ATP8A2: variants seen among roughly 807,000 people sequenced by gnomAD.
ATP8A2 encodes ATPase phospholipid transporting 8A2, also known as phospholipid-transporting ATPase IB.
In ATP8A2, 100 loss-of-function variants were observed where a neutral mutation model predicts 165.6. The ratio of observed to expected loss-of-function variants is 0.60; its 90% CI spans 0.51 to 0.71. ATP8A2 has a LOEUF of 0.71. ATP8A2 is among the 30% of genes least tolerant of loss of function. ATP8A2 has a pLI of 0.00. For synonymous variants in ATP8A2, 543 were observed against 548.8 expected (o/e 0.99, Z 0.15); for missense variants, 1,227 against 1,479.5 (o/e 0.83, Z 2.80).
intron 1 of ATP8A2, among the ~76,000 whole-genome samples, chr13:25,451,381 C>G (rs982226522): frequency 6.6e-6 from 1 of 152,082 alleles, no homozygotes; most frequent in Non-Finnish European, 1.5e-5. Context: ...TCCTAGCACT[C>G]ATTTTGTTTG....
intron 33 of ATP8A2, chr13:25,867,777 C>T (rs1442361212): frequency 1.3e-5 from 2 of 158,296 alleles, no homozygotes; most frequent in Admixed American, 1.3e-4. Flanking sequence ...AAAGAGCTGG[C>T]TTTCCCATCT....
chr13:25,734,275 C>G (rs1190892217), intron 25 of ATP8A2, among the ~76,000 whole-genome samples: 1 of 152,226 alleles, frequency 6.6e-6, no homozygotes, highest in Admixed American at 6.5e-5. Context: ...CTGGGAAAGG[C>G]TCTGTGTCCA....
chr13:25,587,859 T>TAA (rs2138281224), intron 23 of ATP8A2, among the ~76,000 whole-genome samples: 1 of 152,328 alleles, frequency 6.6e-6, no homozygotes, highest in East Asian at 1.9e-4. Flanking sequence ...GCAGAGCTTT[T>TAA]AATGGCATTT....
chr13:25,705,219 G>C (rs942819162), intron 25 of ATP8A2: 5 of 418,772 alleles, frequency 1.2e-5, no homozygotes, highest in Non-Finnish European at 2.4e-5. Flanking sequence ...CCAGGGGAGA[G>C]GACTTTGACC....
chr13:25,489,434 G>A (rs1482652819), intron 2 of ATP8A2, among the ~76,000 whole-genome samples: 3 of 152,162 alleles, frequency 2.0e-5, no homozygotes, highest in Non-Finnish European at 2.9e-5. Context: ...GTTTGCAGGC[G>A]GAGGCAGCCC....
intron 33 of ATP8A2, among the ~76,000 whole-genome samples, chr13:25,958,840 A>G (rs1955593090): frequency 1.3e-5 from 2 of 152,370 alleles, no homozygotes; most frequent in South Asian, 4.1e-4. Flanking sequence ...ATTTTCAACA[A>G]GAGAATTCAA....
At chr13:25,647,664 ATTCT>A (rs921132441) in intron 24 of ATP8A2, among the ~76,000 whole-genome samples, 6 of 151,024 alleles carry the variant, frequency 4.0e-5, no homozygotes, top group Non-Finnish European at 8.8e-5. Context: ...GTTTTCAGCC[ATTCT>A]TTCTTTTTTC....
chr13:25,567,121 A>AGT (rs1259776953), intron 16 of ATP8A2: 14 of 312,732 alleles, frequency 4.5e-5, no homozygotes, highest in African/African-American at 2.8e-4. Flanking sequence ...TAGTGTTTGA[A>AGT]AGATTTCAAA....
chr13:25,392,026 C>T (rs571121361), intron 1 of ATP8A2, among the ~76,000 whole-genome samples: 15 of 152,324 alleles, frequency 9.8e-5, no homozygotes, highest in African/African-American at 3.6e-4. Context: ...GCTGGGTCTG[C>T]TTGTTTAGTG....
At chr13:25,898,751 C>T (rs997845100) in intron 33 of ATP8A2, among the ~76,000 whole-genome samples, 4 of 152,182 alleles carry the variant, frequency 2.6e-5, no homozygotes, top group Non-Finnish European at 5.9e-5. Flanking sequence ...CCACCAGCCT[C>T]GCTGCCGCCT....
chr13:25,380,821 T>G (rs1341615213), intron 1 of ATP8A2, among the ~76,000 whole-genome samples: 2 of 152,178 alleles, frequency 1.3e-5, no homozygotes, highest in Admixed American at 1.3e-4. Flanking sequence ...TCCAGGGACT[T>G]GTCTGGTCTT....
rs9319241 is a variant in ATP8A2 at position 25,785,916 on chromosome 13, A to G, written c.2679+10957A>G. Among the ~76,000 whole-genome samples, 1,367 of 152,310 alleles carry G rather than the reference A, an allele frequency of 9.0e-3. 19 individuals carry two copies. The highest frequency in any genetic ancestry group is 0.029 in the African/African-American group (1,198 of 41,560). On this transcript the variant is annotated intron_variant, in intron 27 of 36. Transcript: ENST00000381655. ...ATGGAAAATGATCCTCATGTTTGAC[A>G]ATCATACATTTGCTTGTAGAGGATC...
chr13:25,766,120 G>A (rs1358866088), intron 25 of ATP8A2, among the ~76,000 whole-genome samples: 1 of 152,320 alleles, frequency 6.6e-6, no homozygotes, highest in East Asian at 1.9e-4. Context: ...CATAAGAGGA[G>A]TTGCAGATTA....
intron 1 of ATP8A2, among the ~76,000 whole-genome samples, chr13:25,442,302 A>AT (rs2034952179): frequency 6.6e-6 from 1 of 152,126 alleles, no homozygotes; most frequent in Admixed American, 6.5e-5. Context: ...TCTACTTTTA[A>AT]TTTTTTAAGG....
At chr13:25,626,330 C>G (rs1173202720) in intron 24 of ATP8A2, among the ~76,000 whole-genome samples, 3 of 152,104 alleles carry the variant, frequency 2.0e-5, no homozygotes, top group African/African-American at 7.2e-5. Context: ...GGCCTTCTTG[C>G]TGCATCATAA....
chr13:25,972,607 G>A (rs1955940285), intron 35 of ATP8A2, among the ~76,000 whole-genome samples: 2 of 152,156 alleles, frequency 1.3e-5, no homozygotes. Context: ...CCCTACCTGG[G>A]GAAGCAGGAA....
intron 35 of ATP8A2, among the ~76,000 whole-genome samples, chr13:25,997,617 T>C (rs1032466677): frequency 2.6e-4 from 39 of 152,200 alleles, no homozygotes; most frequent in African/African-American, 9.2e-4. Flanking sequence ...TTAATTTTTA[T>C]AGTCTATTTT....
At position 25,970,807 on chromosome 13, in the gene ATP8A2, G is replaced by A. The variant is rs115561466; in HGVS notation, c.3377+2128G>A. ...CGTGGGCTGTCAGCCTTGAAAGAGT[G>A]TGTGAGCCCATTTTTGCTTGTTGTT... On this transcript the variant is annotated intron_variant, in intron 35 of 36. Coordinates refer to ENST00000381655, the MANE Select transcript of ATP8A2 (RefSeq NM_016529.6). Among the ~76,000 whole-genome samples, 407 of 152,274 alleles carry A rather than the reference G, an allele frequency of 2.7e-3. 1 individual carries two copies. The highest frequency in any genetic ancestry group is 9.3e-3 in the African/African-American group (388 of 41,544).
chr13:25,545,012 A>G (rs1257940413), intron 10 of ATP8A2, among the ~76,000 whole-genome samples: 4 of 151,916 alleles, frequency 2.6e-5, no homozygotes, highest in African/African-American at 9.7e-5. Context: ...CAGAGGCCAA[A>G]GGATGCAGAT....
Sources: gnomAD v4.1 joint callset for allele counts (sites outside exome capture counted in the v4.1 genomes callset) on GRCh38, gnomAD v4.1.1 for gene constraint, MANE v1.5 for transcripts, NCBI Gene and HGNC (gene_info 2026-07-23, HGNC 2026-07-21) for gene names.